The following LRBA variants were observed in gnomAD, a reference collection of about 807,000 sequenced individuals.
LRBA encodes the protein lipopolysaccharide-responsive and beige-like anchor protein.
Under a neutral mutation model 330.0 loss-of-function variants are expected in LRBA, and 176 were observed. The ratio of observed to expected loss-of-function variants is 0.53; its 90% CI spans 0.47 to 0.60. The LOEUF is 0.60. Among genes scored for constraint, LRBA ranks in the 20% least tolerant of loss-of-function variants. LRBA has a pLI of 0.00. For missense variants in LRBA, 3,259 were observed against 3,444.8 expected, an observed-to-expected ratio of 0.95 and a Z score of 1.35; for synonymous variants, 1,230 against 1,193.0, an observed-to-expected ratio of 1.03 and a Z score of -0.64.
intron 52 of LRBA, among the ~76,000 whole-genome samples, chr4:150,305,496 G>A (rs1730243523): frequency 6.6e-6 from 1 of 152,182 alleles, no homozygotes; most frequent in Non-Finnish European, 1.5e-5. Context: ...ATACAGTGGT[G>A]AACAAATAGA....
chr4:150,808,703 C>T (rs1167270889), intron 31 of LRBA, among the ~76,000 whole-genome samples: 1 of 152,192 alleles, frequency 6.6e-6, no homozygotes, highest in Non-Finnish European at 1.5e-5. Context: ...CAAGTGTCAA[C>T]AGAAAGTTAC....
intron 39 of LRBA, among the ~76,000 whole-genome samples, chr4:150,589,992 G>C (rs1772604020): frequency 6.6e-6 from 1 of 152,150 alleles, no homozygotes; most frequent in Non-Finnish European, 1.5e-5. Flanking sequence ...GTCACCAAAA[G>C]CAAGGTTTTT....
At chr4:150,834,613 C>A (rs188549432) in intron 28 of LRBA, among the ~76,000 whole-genome samples, 207 of 152,282 alleles carry the variant, frequency 1.4e-3, no homozygotes, top group Admixed American at 2.9e-3. Flanking sequence ...TTTGTCCTTC[C>A]TTTTATAGAG....
rs560710196 is a variant in LRBA at position 150,775,107 on chromosome 4, T to C, written c.5581-13260A>G. ...TGGCTCCTGCCAGCTCAGGATCCAATTACTCCCAATGCGTTCAGGTTTTCT... is the reference window on the plus strand; with the variant it reads ...TGGCTCCTGCCAGCTCAGGATCCAACTACTCCCAATGCGTTCAGGTTTTCT... On this transcript the variant is annotated intron_variant, in intron 34 of 56. Coordinates refer to ENST00000651943, the MANE Select transcript of LRBA (RefSeq NM_001364905.1). Among the ~76,000 whole-genome samples the C allele has an allele frequency of 2.0e-5, 3 of 152,166 alleles. No individual in the cohort carries two copies. The East Asian group carries it at 5.8e-4, about 29-fold the overall frequency.
chr4:150,987,998 T>C (rs1679694126), intron 2 of LRBA, among the ~76,000 whole-genome samples: 1 of 144,142 alleles, frequency 6.9e-6, no homozygotes, highest in Admixed American at 7.0e-5. Flanking sequence ...CAAGACTCCG[T>C]CTCAAAAAAA....
intron 42 of LRBA, among the ~76,000 whole-genome samples, chr4:150,480,672 G>A (rs972687264): frequency 6.6e-6 from 1 of 152,024 alleles, no homozygotes; most frequent in African/African-American, 2.4e-5. Flanking sequence ...CAATAATTGT[G>A]ATTGGAATAT....
At position 150,511,075 on chromosome 4, in the gene LRBA, C is replaced by A. The variant is rs143012013; in HGVS notation, c.6331-20040G>T. Among the ~76,000 whole-genome samples, 9 of 152,206 alleles carry A rather than the reference C, an allele frequency of 5.9e-5. No homozygotes were observed. The East Asian group carries it at 1.7e-3, about 30-fold the overall frequency. ...GTTTCACCATGTTGGCTAGGCTGGT[C>A]TCAAATTCCTGACCTCAGGTCATCC... is the stretch of plus-strand genomic sequence containing the variant. On this transcript the variant is annotated intron_variant, in intron 40 of 56. Transcript: ENST00000651943.
chr4:150,917,903 A>T (rs1732818268), intron 5 of LRBA, among the ~76,000 whole-genome samples: 1 of 152,050 alleles, frequency 6.6e-6, no homozygotes, highest in Admixed American at 6.6e-5. Context: ...CACTCCAGCC[A>T]GGGTGACAAG....
chr4:150,491,003 T>A lies in LRBA; in HGVS notation c.6363A>T (p.Lys2121Asn), dbSNP rs762408053. 3.1e-6 allele frequency: 5 copies of A among 1,606,680 alleles called. No individual in the cohort carries two copies. Among genetic ancestry groups the A allele is most frequent in the Non-Finnish European group, 4.3e-6 (5 of 1,175,064 alleles). Residue 2121 changes from lysine (K) to asparagine (N), a missense_variant, in exon 41 of 57, where the codon AAA becomes AAT. Transcript: ENST00000651943. ...ILAYTEGLHGKWLFTEIRSIF... is the reference protein window; with the variant it reads ...ILAYTEGLHGNWLFTEIRSIF... ...TTGATCGTATCTCTGTGAACAGCCA[T>A]TTTCCATGCAGCCCTTCTGTATATG...
At chr4:150,694,581 C>T (rs11940442) in intron 36 of LRBA, among the ~76,000 whole-genome samples, 1,574 of 151,638 alleles carry the variant, frequency 0.01, 22 homozygotes, top group African/African-American at 0.036. Flanking sequence ...GTGTGACAGC[C>T]ACCTTTAATT....
chr4:150,925,194 T>C (rs1375043203), intron 4 of LRBA, among the ~76,000 whole-genome samples: 1 of 151,480 alleles, frequency 6.6e-6, no homozygotes, highest in Admixed American at 6.6e-5. Context: ...GAAAAAAAGG[T>C]TTTTATGTGC....
intron 36 of LRBA, among the ~76,000 whole-genome samples, chr4:150,713,545 T>C (rs766246345): frequency 7.2e-5 from 11 of 152,224 alleles, no homozygotes; most frequent in South Asian, 2.1e-4. Flanking sequence ...TCTTTTTGCC[T>C]ATGTAACTGT....
intron 40 of LRBA, among the ~76,000 whole-genome samples, chr4:150,525,230 A>C (rs927325998): frequency 3.3e-5 from 5 of 152,126 alleles, no homozygotes. Context: ...AAAACTGAAG[A>C]AAATATTATT....
chr4:150,908,796 A>G lies in LRBA; in HGVS notation c.1223T>C (p.Leu408Ser). Residue 408 changes from leucine (L) to serine (S), a missense_variant, in exon 10 of 57, where the codon TTG becomes TCG. Coordinates refer to ENST00000651943, the MANE Select transcript of LRBA (RefSeq NM_001364905.1). ...GGCACTAGAGAGTTTCCCATCGTAC[A>G]ATAAAAGTTTGTGATGCTCAGCAAG... is the stretch of plus-strand genomic sequence containing the variant. ...LFLAEHHKLL[L>S]YDGKLSSAIA... 3 of 1,613,898 alleles carry G rather than the reference A, an allele frequency of 1.9e-6. No individual in the cohort carries two copies. The East Asian group carries it at 6.7e-5, about 36-fold the overall frequency.
Position 150,315,547 on chromosome 4 carries a change from A to G in LRBA, c.7693+14T>C. On this transcript the variant is annotated intron_variant, in intron 51 of 56. Transcript: ENST00000651943. ...GAGCTTAATGAATCGCAAAGAGAGA[A>G]GGAAGTGACAGACCTATGAGAGGAT... The G allele has an allele frequency of 6.2e-7, 1 of 1,608,958 alleles. No individual in the cohort carries two copies. Among genetic ancestry groups the G allele is most frequent in the Non-Finnish European group, 8.5e-7 (1 of 1,175,610 alleles).
At chr4:150,350,350 C>A (rs1030283675) in intron 47 of LRBA, among the ~76,000 whole-genome samples, 191 bp from the exon 48 acceptor site, 1 of 152,012 alleles carries the variant, frequency 6.6e-6, no homozygotes. Context: ...GGTGGGCAGA[C>A]CATGAGGTCA....
At chr4:150,837,888 G>A (rs1383636571) in intron 28 of LRBA, among the ~76,000 whole-genome samples, 7 of 152,280 alleles carry the variant, frequency 4.6e-5, no homozygotes, top group Middle Eastern at 3.4e-3. Flanking sequence ...TCCTAGCATC[G>A]ATGGTCTTTA....
At chr4:150,741,556 G>A (rs975419077) in intron 35 of LRBA, among the ~76,000 whole-genome samples, 8 of 151,950 alleles carry the variant, frequency 5.3e-5, no homozygotes, top group African/African-American at 1.2e-4. Flanking sequence ...TCACAAAATC[G>A]ATTAATAAAA....
chr4:150,525,868 T>G (rs1763415749), intron 40 of LRBA, among the ~76,000 whole-genome samples: 1 of 152,160 alleles, frequency 6.6e-6, no homozygotes, highest in Non-Finnish European at 1.5e-5. Flanking sequence ...AGCTCTATTT[T>G]ATTCCTCTCA....
Sources: gnomAD v4.1 joint callset for allele counts (sites outside exome capture counted in the v4.1 genomes callset) on GRCh38, gnomAD v4.1.1 for gene constraint, MANE v1.5 for transcripts, NCBI Gene and HGNC (gene_info 2026-07-23, HGNC 2026-07-21) for gene names.